WWOX: variants seen among roughly 807,000 people sequenced by gnomAD.
WWOX encodes WW domain containing oxidoreductase.
A neutral mutation model predicts 46.2 loss-of-function variants in WWOX; 69 were observed. That is an observed-to-expected ratio of 1.49 (90% CI 1.23 to 1.82). WWOX has a LOEUF of 1.82. Ranked by LOEUF, WWOX falls within the 40% of genes most tolerant of loss-of-function variation. WWOX has a pLI of 0.00. For missense variants in WWOX, 919 were observed against 542.6 expected (o/e 1.69, Z -6.89); for synonymous variants, 359 against 202.6 (o/e 1.77, Z -6.56).
chr16:78,353,508 C>A (rs28569298), intron 5 of WWOX, among the ~76,000 whole-genome samples: 19 of 152,324 alleles, frequency 1.2e-4, no homozygotes, highest in African/African-American at 3.6e-4. Flanking sequence ...TGTCCCTTCT[C>A]CTCTAGCCAG....
chr16:78,460,464 C>T (rs959933299), intron 8 of WWOX, among the ~76,000 whole-genome samples: 1 of 152,142 alleles, frequency 6.6e-6, no homozygotes, highest in African/African-American at 2.4e-5. Flanking sequence ...ACTCTTTGTC[C>T]TTTTCTCTCC....
At chr16:78,843,020 G>T (rs896791878) in intron 8 of WWOX, among the ~76,000 whole-genome samples, 1 of 150,126 alleles carries the variant, frequency 6.7e-6, no homozygotes, top group African/African-American at 2.4e-5. Context: ...AACAGGGCTG[G>T]CTATTTTACT....
intron 8 of WWOX, among the ~76,000 whole-genome samples, chr16:78,633,960 T>C (rs182473711): frequency 6.6e-6 from 1 of 151,750 alleles, no homozygotes; most frequent in Non-Finnish European, 1.5e-5. Flanking sequence ...GACCAAAGGC[T>C]GAGTGTCCTT....
At chr16:78,180,965 G>C (rs553652266) in intron 5 of WWOX, among the ~76,000 whole-genome samples, 1 of 152,294 alleles carries the variant, frequency 6.6e-6, no homozygotes, top group South Asian at 2.1e-4. Flanking sequence ...TTGGAGGTAA[G>C]TATAAAAACC....
chr16:78,866,361 A>G (rs963809023), intron 8 of WWOX, among the ~76,000 whole-genome samples: 29 of 152,134 alleles, frequency 1.9e-4, no homozygotes, highest in Admixed American at 1.8e-3. Flanking sequence ...TTAACTTGCA[A>G]TAATTGTGAC....
intron 8 of WWOX, among the ~76,000 whole-genome samples, chr16:78,811,062 G>A (rs1057347724): frequency 6.6e-5 from 10 of 152,328 alleles, no homozygotes; most frequent in African/African-American, 2.4e-4. Context: ...GGACAGGAAA[G>A]CAGTGTGCCA....
Position 79,093,808 on chromosome 16 carries a change from G to A in WWOX, c.1057-117800G>A, listed in dbSNP as rs140025897. Among the ~76,000 whole-genome samples, 75 of 152,218 alleles carry A rather than the reference G, an allele frequency of 4.9e-4. 1 individual carries two copies. Among genetic ancestry groups the A allele is most frequent in the Non-Finnish European group, 7.9e-4 (54 of 68,024 alleles). ...CTTGCTTCCCCTCCCCCTGCCCTTC[G>A]ACACAGAGTGACAGGCCTGAAGTAA... is the stretch of plus-strand genomic sequence containing the variant. On this transcript the variant is annotated intron_variant, in intron 8 of 8. Transcript: ENST00000566780.
chr16:78,955,150 T>C (rs1320140034), intron 8 of WWOX, among the ~76,000 whole-genome samples: 1 of 152,084 alleles, frequency 6.6e-6, no homozygotes, highest in Non-Finnish European at 1.5e-5. Context: ...AAAAGGAAAC[T>C]TTGCTGTTAG....
At chr16:78,621,008 A>T (rs2046167315) in intron 8 of WWOX, among the ~76,000 whole-genome samples, 1 of 152,184 alleles carries the variant, frequency 6.6e-6, no homozygotes, top group African/African-American at 2.4e-5. Context: ...AATCCAACTC[A>T]AAGGCTGTTG....
chr16:78,923,031 G>C (rs1469416499), intron 8 of WWOX, among the ~76,000 whole-genome samples: 2 of 143,390 alleles, frequency 1.4e-5, no homozygotes, highest in East Asian at 4.0e-4. Context: ...GCCCAGGCTG[G>C]AGTGCAATGG....
At chr16:78,132,686 T>C (rs775948963) in intron 4 of WWOX, among the ~76,000 whole-genome samples, 6 of 152,182 alleles carry the variant, frequency 3.9e-5, no homozygotes, top group Non-Finnish European at 7.3e-5. Flanking sequence ...CAGATTTCTT[T>C]TACAGTTCTG....
chr16:78,920,966 C>G (rs1019802035), intron 8 of WWOX, among the ~76,000 whole-genome samples: 1 of 152,248 alleles, frequency 6.6e-6, no homozygotes, highest in South Asian at 2.1e-4. Context: ...TCTGCAAATA[C>G]CAGCAGCAAG....
At chr16:79,101,861 G>T (rs1435916705) in intron 8 of WWOX, 3 of 151,550 alleles carry the variant, frequency 2.0e-5, no homozygotes, top group Admixed American at 6.6e-5. Context: ...TTTTCAAGAA[G>T]TACAGCGTTT....
intron 8 of WWOX, among the ~76,000 whole-genome samples, chr16:78,922,827 C>G (rs1289286745): frequency 6.6e-6 from 1 of 152,122 alleles, no homozygotes; most frequent in Non-Finnish European, 1.5e-5. Context: ...GGGTCCCAGT[C>G]CTGGGCACCA....
chr16:78,104,530 T>A (rs948011958), intron 1 of WWOX, among the ~76,000 whole-genome samples: 9 of 152,092 alleles, frequency 5.9e-5, no homozygotes, highest in Admixed American at 5.2e-4. Context: ...AAACACCCCA[T>A]ACGTGGAAGT....
intron 8 of WWOX, among the ~76,000 whole-genome samples, chr16:78,944,568 C>G (rs1203686679): frequency 1.3e-5 from 2 of 152,164 alleles, no homozygotes; most frequent in South Asian, 2.1e-4. Flanking sequence ...TCGTACACAT[C>G]TATGTAAGCA....
In WWOX at chr16:78,867,037, C is replaced by T. The variant is rs576671733; in HGVS notation, c.1057-344571C>T. The stretch of plus-strand genomic sequence containing the variant: ...GCAGGCTGGGTCTAGTCCTTCTTGA[C>T]TTTGTGGAAGGAGAAGGCTTGAGGA... On this transcript the variant is annotated intron_variant, in intron 8 of 8. Transcript: ENST00000566780. 3.3e-5 allele frequency among the ~76,000 whole-genome samples: 5 copies of T among 152,248 alleles called. No homozygotes were observed. In the East Asian group the frequency reaches 9.7e-4, roughly 29 times the overall value.
intron 5 of WWOX, among the ~76,000 whole-genome samples, chr16:78,190,097 G>A (rs2035837606): frequency 1.3e-5 from 2 of 152,206 alleles, no homozygotes; most frequent in Non-Finnish European, 2.9e-5. Context: ...GGGGGGTGGT[G>A]GTAATTTGCA....
At chr16:79,195,960 A>G (rs1200434628) in intron 8 of WWOX, among the ~76,000 whole-genome samples, 2 of 152,178 alleles carry the variant, frequency 1.3e-5, no homozygotes, top group Non-Finnish European at 2.9e-5. Context: ...GGTGGTAAAG[A>G]TGCCTTTGTT....
Sources: gnomAD v4.1 joint callset for allele counts (sites outside exome capture counted in the v4.1 genomes callset) on GRCh38, gnomAD v4.1.1 for gene constraint, MANE v1.5 for transcripts, NCBI Gene and HGNC (gene_info 2026-07-23, HGNC 2026-07-21) for gene names.